The following PLCZ1 variants were observed in gnomAD, a reference collection of about 807,000 sequenced individuals.
PLCZ1 encodes the protein phospholipase C zeta 1.
Under a neutral mutation model 76.8 loss-of-function variants are expected in PLCZ1, and 64 were observed. The ratio of observed to expected loss-of-function variants is 0.83; its 90% confidence interval spans 0.68 to 1.03. The LOEUF is 1.03. Among genes scored for constraint, PLCZ1 ranks in the 50% least tolerant of loss-of-function variants. The probability of loss-of-function intolerance (pLI) is 0.00; values close to 1 mark genes in which losing one functional copy is unlikely to be tolerated. For missense variants in PLCZ1, 751 were observed against 713.7 expected (o/e 1.05, Z -0.60); for synonymous variants, 248 against 230.8 (o/e 1.07, Z -0.68).
At chr12:18,688,445 T>A (rs1195972021) in intron 12 of PLCZ1, among the ~76,000 whole-genome samples, 1 of 151,988 alleles carries the variant, frequency 6.6e-6, no homozygotes, top group East Asian at 1.9e-4. Context: ...ATCCACAATG[T>A]CCACAATTTT....
At chr12:18,715,639 G>A (rs1037377643) in intron 5 of PLCZ1, 1 of 152,026 alleles carries the variant, frequency 6.6e-6, no homozygotes, top group Non-Finnish European at 1.5e-5. Context: ...TTTGCTTTTT[G>A]TTTTTGTGTC....
At chr12:18,698,819 T>C (rs1490096136) in intron 10 of PLCZ1, among the ~76,000 whole-genome samples, 1 of 152,196 alleles carries the variant, frequency 6.6e-6, no homozygotes, top group Non-Finnish European at 1.5e-5. Flanking sequence ...AAATGTACAA[T>C]AAACTATTGT....
the PLCZ1 span, among the ~76,000 whole-genome samples, chr12:18,664,381 T>C: frequency 5.3e-5 from 8 of 152,240 alleles, no homozygotes; most frequent in Non-Finnish European, 1.0e-4. Context: ...TATCCATTGA[T>C]ACATAAATGG....
chr12:18,736,737 T>C (rs887560069), intron 2 of PLCZ1: 2 of 1,209,004 alleles, frequency 1.7e-6, no homozygotes, highest in Non-Finnish European at 2.2e-6. Flanking sequence ...GGTGAGCAAA[T>C]TAACCCTGAA....
intron 10 of PLCZ1, among the ~76,000 whole-genome samples, chr12:18,697,808 T>C (rs1592086038): frequency 6.7e-6 from 1 of 150,072 alleles, no homozygotes; most frequent in Non-Finnish European, 1.5e-5. Context: ...CATTATTTTT[T>C]AATGATTTTC....
intron 12 of PLCZ1, among the ~76,000 whole-genome samples, chr12:18,694,379 A>G (rs776234496): frequency 2.6e-5 from 4 of 152,200 alleles, no homozygotes; most frequent in Non-Finnish European, 5.9e-5. Flanking sequence ...TAAAGTTGAC[A>G]CAAATTAACA....
At chr12:18,704,945 AATGTGGGTTGT>A (rs1956415277) in intron 7 of PLCZ1, among the ~76,000 whole-genome samples, 1 of 152,110 alleles carries the variant, frequency 6.6e-6, no homozygotes, top group Non-Finnish European at 1.5e-5. Context: ...ACACAATCAA[AATGTGGGTTGT>A]ATGTATATAT....
chr12:18,674,643 T>C, the PLCZ1 span, among the ~76,000 whole-genome samples: 3 of 152,208 alleles, frequency 2.0e-5, no homozygotes, highest in East Asian at 1.9e-4. Flanking sequence ...AGATGAAACA[T>C]GGTCACAAAT....
chr12:18,700,512 C>CAAAAAAAAA (rs11324526), intron 9 of PLCZ1, among the ~76,000 whole-genome samples: 1,312 of 67,892 alleles, frequency 0.019, 249 homozygotes, highest in Non-Finnish European at 0.027. Context: ...AGCCAACGTA[C>CAAAAAAAAA]AAAAAAAAAA....
chr12:18,677,946 G>C, the PLCZ1 span, among the ~76,000 whole-genome samples: 1 of 152,064 alleles, frequency 6.6e-6, no homozygotes, highest in African/African-American at 2.4e-5. Context: ...GTTTGTGTGT[G>C]TGGATGCACA....
At chr12:18,702,116 T>C (rs2137273407) in intron 7 of PLCZ1, among the ~76,000 whole-genome samples, 1 of 152,246 alleles carries the variant, frequency 6.6e-6, no homozygotes, top group Non-Finnish European at 1.5e-5. Flanking sequence ...ATGAAAATGT[T>C]ACAACTTCTG....
At chr12:18,729,773 C>A (rs182000835) in intron 3 of PLCZ1, among the ~76,000 whole-genome samples, 1 of 151,966 alleles carries the variant, frequency 6.6e-6, no homozygotes, top group Non-Finnish European at 1.5e-5. Flanking sequence ...GCTGCTCAAG[C>A]CATGAATCAA....
chr12:18,681,144 C>T (rs944111837), downstream of PLCZ1, among the ~76,000 whole-genome samples: 1 of 151,986 alleles, frequency 6.6e-6, no homozygotes, highest in South Asian at 2.1e-4. Context: ...CAAGGAAACA[C>T]GACAGTTTAG....
At chr12:18,714,427 T>A (rs1230741706) in intron 5 of PLCZ1, among the ~76,000 whole-genome samples, 1 of 152,150 alleles carries the variant, frequency 6.6e-6, no homozygotes, top group Admixed American at 6.6e-5. Context: ...TAAATATTTA[T>A]TGTGTTTATA....
intron 14 of PLCZ1, 31 bp downstream of exon 14, chr12:18,684,099 G>A: frequency 6.2e-7 from 1 of 1,605,800 alleles, no homozygotes; most frequent in Non-Finnish European, 8.5e-7. Flanking sequence ...TTTAAATGCT[G>A]GTACAATCAT....
chr12:18,707,816 T>G (rs1956797131), intron 6 of PLCZ1, among the ~76,000 whole-genome samples: 1 of 152,128 alleles, frequency 6.6e-6, no homozygotes, highest in South Asian at 2.1e-4. Flanking sequence ...TCTCATTGAG[T>G]CTCCACTGCT....
intron 7 of PLCZ1, among the ~76,000 whole-genome samples, chr12:18,703,465 C>G (rs558770085): frequency 1.3e-5 from 2 of 152,260 alleles, no homozygotes; most frequent in East Asian, 3.9e-4. Context: ...TGTTTTTCTT[C>G]GATGGTGCAT....
In PLCZ1 at chr12:18,708,159, C is replaced by A. The variant is rs150843770; in HGVS notation, c.715-2844G>T. ...ACTTTGTAGCCTCTGACCTACCTTT[C>A]TCCATTTTCTTCTCCCTCCCCACAC... On this transcript the variant is annotated intron_variant, in intron 6 of 14. Transcript: ENST00000266505. 4.5e-3 allele frequency among the ~76,000 whole-genome samples: 686 copies of A among 152,308 alleles called. 5 individuals are homozygous for A. Among genetic ancestry groups the A allele is most frequent in the African/African-American group, 0.016 (653 of 41,564 alleles).
At chr12:18,650,726 A>ATATC in the PLCZ1 span, among the ~76,000 whole-genome samples, 73 of 21,528 alleles carry the variant, frequency 3.4e-3, no homozygotes, top group South Asian at 0.016. Flanking sequence ...ATATATATAT[A>ATATC]TATATATATA....
Sources: gnomAD v4.1 joint callset for allele counts (sites outside exome capture counted in the v4.1 genomes callset) on GRCh38, gnomAD v4.1.1 for gene constraint, MANE v1.5 for transcripts, NCBI Gene and HGNC (gene_info 2026-07-23, HGNC 2026-07-21) for gene names.